CTNNA2: variants seen among roughly 807,000 people sequenced by gnomAD.
The protein encoded by CTNNA2 is catenin alpha 2, also known as catenin alpha-2.
Under a neutral mutation model 101.0 loss-of-function variants are expected in CTNNA2, and 42 were observed. The ratio of observed to expected loss-of-function variants is 0.42; its 90% confidence interval spans 0.32 to 0.54. The LOEUF (loss-of-function observed/expected upper bound fraction) is 0.54. Ranked by LOEUF, CTNNA2 falls within the 20% of genes least tolerant of loss-of-function variation. CTNNA2 has a pLI of 0.14. For missense variants in CTNNA2, 871 were observed against 1,223.1 expected, an observed-to-expected ratio of 0.71 and a Z score of 4.29; for synonymous variants, 450 against 456.4, an observed-to-expected ratio of 0.99 and a Z score of 0.18.
chr2:79,349,631 A>T (rs893244831), intron 3 of CTNNA2, among the ~76,000 whole-genome samples: 1 of 152,204 alleles, frequency 6.6e-6, no homozygotes, highest in Non-Finnish European at 1.5e-5. Context: ...TAGTTATAGT[A>T]TAATAGCCAA....
At chr2:79,242,558 A>G (rs1279819141) in intron 2 of CTNNA2, among the ~76,000 whole-genome samples, 2 of 152,148 alleles carry the variant, frequency 1.3e-5, no homozygotes, top group African/African-American at 4.8e-5. Context: ...TCTTGCAAAC[A>G]AGTCATTCTT....
At chr2:79,509,628 A>G (rs1671492392), upstream of CTNNA2, among the ~76,000 whole-genome samples, 1 of 152,194 alleles carries the variant, frequency 6.6e-6, no homozygotes, top group Non-Finnish European at 1.5e-5. Context: ...TAGACAGAAC[A>G]CAGAGTATTT....
chr2:79,318,945 T>G (rs1208720879), intron 3 of CTNNA2, among the ~76,000 whole-genome samples: 1 of 152,184 alleles, frequency 6.6e-6, no homozygotes, highest in African/African-American at 2.4e-5. Context: ...TAATATCAAC[T>G]GACTACTACT....
chr2:79,825,761 A>G (rs746215884), intron 3 of CTNNA2, among the ~76,000 whole-genome samples: 2 of 152,140 alleles, frequency 1.3e-5, no homozygotes, highest in Non-Finnish European at 2.9e-5. Context: ...TTGATCTAGG[A>G]AAGAGAATGT....
chr2:79,681,833 C>T (rs1443890086), intron 2 of CTNNA2, among the ~76,000 whole-genome samples: 1 of 152,142 alleles, frequency 6.6e-6, no homozygotes, highest in Non-Finnish European at 1.5e-5. Flanking sequence ...AAGGCACGGG[C>T]TTTAGCAATA....
chr2:79,401,905 T>C (rs1678294249), intron 4 of CTNNA2, among the ~76,000 whole-genome samples: 2 of 151,604 alleles, frequency 1.3e-5, no homozygotes, highest in Non-Finnish European at 3.0e-5. Context: ...TGTTATACAC[T>C]GTCCACAAGA....
intron 1 of CTNNA2, among the ~76,000 whole-genome samples, chr2:79,192,947 C>G (rs1025828704): frequency 2.0e-5 from 3 of 152,080 alleles, no homozygotes; most frequent in African/African-American, 7.2e-5. Flanking sequence ...CTGTTTACTC[C>G]TACCCAATCA....
At chr2:79,451,161 T>C (rs1670745222) in intron 4 of CTNNA2, among the ~76,000 whole-genome samples, 1 of 152,108 alleles carries the variant, frequency 6.6e-6, no homozygotes, top group African/African-American at 2.4e-5. Context: ...GAAAACAACA[T>C]TGAACAAAAC....
chr2:79,350,486 T>G (rs1364643089), intron 3 of CTNNA2, among the ~76,000 whole-genome samples: 3 of 152,230 alleles, frequency 2.0e-5, no homozygotes, highest in Non-Finnish European at 4.4e-5. Flanking sequence ...TATGGTTGCA[T>G]AGTATTCTAT....
chr2:79,366,954 T>C (rs181377061), intron 3 of CTNNA2, among the ~76,000 whole-genome samples: 2 of 152,344 alleles, frequency 1.3e-5, no homozygotes, highest in East Asian at 3.9e-4. Context: ...ATCTTGTTAT[T>C]GAACAAAAGG....
At chr2:80,128,033 T>A (rs2148890001) in intron 7 of CTNNA2, among the ~76,000 whole-genome samples, 1 of 152,078 alleles carries the variant, frequency 6.6e-6, no homozygotes, top group Admixed American at 6.6e-5. Context: ...GTGGTTTTGA[T>A]AAAATATGCT....
chr2:79,246,587 A>C (rs1200305805), intron 2 of CTNNA2, among the ~76,000 whole-genome samples: 1 of 152,224 alleles, frequency 6.6e-6, no homozygotes, highest in Non-Finnish European at 1.5e-5. Flanking sequence ...TGAAAAGGGC[A>C]AAAGGAATGA....
chr2:79,364,854 A>C (rs140344397), intron 3 of CTNNA2, among the ~76,000 whole-genome samples: 227 of 152,320 alleles, frequency 1.5e-3, no homozygotes, highest in African/African-American at 5.2e-3. Flanking sequence ...CTATTTCTTA[A>C]CTTTTATTTA....
chr2:80,614,446 A>G (rs573292630), intron 17 of CTNNA2, among the ~76,000 whole-genome samples: 1 of 151,518 alleles, frequency 6.6e-6, no homozygotes, highest in South Asian at 2.1e-4. Flanking sequence ...TGTAAATACT[A>G]TGCCATTTTA....
intron 7 of CTNNA2, among the ~76,000 whole-genome samples, chr2:79,970,799 G>A (rs188942397): frequency 7.6e-4 from 111 of 146,426 alleles, no homozygotes; most frequent in Middle Eastern, 3.6e-3. Flanking sequence ...AAATCTAGGT[G>A]TAAACGTCTA....
intron 7 of CTNNA2, among the ~76,000 whole-genome samples, chr2:80,075,880 T>C (rs1698712351): frequency 6.6e-6 from 1 of 151,096 alleles, no homozygotes; most frequent in South Asian, 2.1e-4. Context: ...ATCACTCTAA[T>C]AGACTTCATT....
Position 80,555,865 on chromosome 2 carries a change from G to A in CTNNA2, c.1713G>A (p.Leu571=). 1 of 1,562,296 alleles carries A rather than the reference G, an allele frequency of 6.4e-7. No individual in the cohort carries two copies. The highest frequency in any genetic ancestry group is 8.7e-7 in the Non-Finnish European group (1 of 1,153,072). The change falls in exon 12 of 19, where the codon TTG becomes TTA. Residue 571 remains leucine, a synonymous_variant. Transcript: ENST00000402739. ...CTGGGGTTTATACTGAGAAGGTGTT[G>A]GAAGCTACAAAATTGCTTTCTGAAA... ...YEAGVYTEKV[L]EATKLLSETV...
intron 7 of CTNNA2, among the ~76,000 whole-genome samples, chr2:80,005,623 C>T (rs1310176611): frequency 6.6e-6 from 1 of 151,950 alleles, no homozygotes; most frequent in Non-Finnish European, 1.5e-5. Flanking sequence ...GAAAGCCTAT[C>T]ACCATAGATC....
intron 7 of CTNNA2, among the ~76,000 whole-genome samples, chr2:79,953,158 C>T (rs188302914): frequency 8.5e-5 from 13 of 152,258 alleles, no homozygotes; most frequent in Admixed American, 8.5e-4. Flanking sequence ...CCTTCAGAGC[C>T]CTTCTCCAAC....
Sources: gnomAD v4.1 joint callset for allele counts (sites outside exome capture counted in the v4.1 genomes callset) on GRCh38, gnomAD v4.1.1 for gene constraint, MANE v1.5 for transcripts, NCBI Gene and HGNC (gene_info 2026-07-23, HGNC 2026-07-21) for gene names.